The following SNX31 variants were observed in gnomAD, a reference collection of about 807,000 sequenced individuals.
SNX31 encodes sorting nexin-31.
Under a neutral mutation model 65.4 loss-of-function variants are expected in SNX31, and 58 were observed. That is an observed-to-expected ratio of 0.89 (90% CI 0.72 to 1.10). The LOEUF (loss-of-function observed/expected upper bound fraction) is 1.10, where lower values mean the gene tolerates loss of function less well. SNX31 is among the 50% of genes least tolerant of loss of function. The probability of loss-of-function intolerance (pLI) is 0.00; values close to 1 mark genes in which losing one functional copy is unlikely to be tolerated. For missense variants in SNX31, 523 were observed against 529.7 expected (o/e 0.99, Z 0.12); for synonymous variants, 181 against 190.1 (o/e 0.95, Z 0.39).
At chr8:100,615,911 A>C (rs1817145262) in intron 5 of SNX31, among the ~76,000 whole-genome samples, 1 of 151,700 alleles carries the variant, frequency 6.6e-6, no homozygotes, top group Non-Finnish European at 1.5e-5. Flanking sequence ...CTGGGACTAC[A>C]GGCACCCGCC....
intron 12 of SNX31, among the ~76,000 whole-genome samples, chr8:100,579,710 G>A (rs1355625594): frequency 6.6e-6 from 1 of 152,188 alleles, no homozygotes; most frequent in Admixed American, 6.5e-5. Context: ...ATCTGGTGAT[G>A]GTAGTTGAGG....
rs1245298601 is a variant in SNX31 at position 100,660,884 on chromosome 8, C to T, written c.-58+2258G>A. 6.6e-6 allele frequency among the ~76,000 whole-genome samples: 1 copy of T among 152,248 alleles called. No individual in the cohort carries two copies. Among genetic ancestry groups the T allele is most frequent in the Non-Finnish European group, 1.5e-5 (1 of 68,048 alleles). ...GGCAGACCAAGCCCTGGCAATCACA[C>T]ATTCGTGCTAATGCAGCATGGATCA... On this transcript the variant is annotated intron_variant, in intron 1 of 5. Coordinates refer to the SNX31 transcript ENST00000520352. This position sits in a 1 kb window ranked among gnomAD's most constrained non-coding sequence, Gnocchi z 4.1.
intron 3 of SNX31, among the ~76,000 whole-genome samples, chr8:100,631,275 C>T (rs1289107133): frequency 6.6e-6 from 1 of 152,056 alleles, no homozygotes; most frequent in African/African-American, 2.4e-5. Flanking sequence ...AGACACACCC[C>T]CATGAGAACT....
chr8:100,640,070 A>G (rs1337068711), intron 2 of SNX31, among the ~76,000 whole-genome samples: 1 of 152,190 alleles, frequency 6.6e-6, no homozygotes. Flanking sequence ...GTTTTAAATA[A>G]ATAGGAGCGA....
Position 100,612,116 on chromosome 8 carries a change from G to T in SNX31, c.524-29C>A. ...GAGAAAGGAGAAAGCCGGTCTTACT[G>T]GTTGAAACAGCACAGACAGCTTATA... is the stretch of plus-strand genomic sequence containing the variant. On this transcript the variant is annotated intron_variant, in intron 6 of 13. Transcript: ENST00000311812. The surrounding 1 kb of genome is among the most constrained non-coding windows in gnomAD (Gnocchi z 4.3). 1 of 1,466,732 alleles carries T rather than the reference G, an allele frequency of 6.8e-7. No homozygotes were observed. Among genetic ancestry groups the T allele is most frequent in the Non-Finnish European group, 9.6e-7 (1 of 1,045,948 alleles). The allele number at this position is 1,466,732 out of a possible 1,614,324, so 90.9% of individuals were successfully genotyped here. A position where few individuals can be genotyped will look rare whatever the true frequency, so the allele number is the denominator to read the frequency against.
At chr8:100,601,053 C>A (rs1287521579) in intron 8 of SNX31, among the ~76,000 whole-genome samples, 1 of 152,104 alleles carries the variant, frequency 6.6e-6, no homozygotes, top group Non-Finnish European at 1.5e-5. Flanking sequence ...ATATTTGAAT[C>A]ATAAACACAG....
Position 100,614,646 on chromosome 8 carries a change from G to A in SNX31, c.433-1561C>T, listed in dbSNP as rs1817014321. Among the ~76,000 whole-genome samples the A allele has an allele frequency of 6.6e-6, 1 of 152,142 alleles. No homozygotes were observed. Among genetic ancestry groups the A allele is most frequent in the South Asian group, 2.1e-4 (1 of 4,818 alleles). ...TCCCAGCACTTTGGAAGGCTGAGGCGGGTTGATCACCTAAGGTCAGGAGTT... is the reference window on the plus strand; with the variant it reads ...TCCCAGCACTTTGGAAGGCTGAGGCAGGTTGATCACCTAAGGTCAGGAGTT... On this transcript the variant is annotated intron_variant, in intron 5 of 13. Transcript: ENST00000311812. This position sits in a 1 kb window ranked among gnomAD's most constrained non-coding sequence, Gnocchi z 5.1.
intron 2 of SNX31, among the ~76,000 whole-genome samples, chr8:100,647,970 A>G (rs1819751063): frequency 1.3e-5 from 2 of 152,232 alleles, no homozygotes; most frequent in South Asian, 2.1e-4. Flanking sequence ...TCATTTGACA[A>G]TCGTTCCTAA....
chr8:100,641,612 A>T (rs1361871058), intron 2 of SNX31, among the ~76,000 whole-genome samples: 1 of 56,644 alleles, frequency 1.8e-5, no homozygotes, highest in African/African-American at 7.0e-5. Flanking sequence ...ACACACACAC[A>T]CGCACACACG....
At chr8:100,658,313 C>T (rs1242891175) in intron 1 of SNX31, among the ~76,000 whole-genome samples, 1 of 152,190 alleles carries the variant, frequency 6.6e-6, no homozygotes, top group Non-Finnish European at 1.5e-5. Flanking sequence ...GAATCTCATC[C>T]AAGCAGCTTG....
In SNX31 at chr8:100,614,597, C is replaced by T. The variant is rs547505088; in HGVS notation, c.433-1512G>A. Among the ~76,000 whole-genome samples, 40 of 152,150 alleles carry T rather than the reference C, an allele frequency of 2.6e-4. No individual in the cohort carries two copies. In the East Asian group the frequency reaches 5.8e-3, roughly 22 times the overall value. On this transcript the variant is annotated intron_variant, in intron 5 of 13. Transcript: ENST00000311812. The surrounding 1 kb of genome is among the most constrained non-coding windows in gnomAD (Gnocchi z 5.1). ...GGCCCTTAAAGAGGCCATTGAGGCC[C>T]GGCACGGTGGCTCATGCCTGTAATC...
intron 4 of SNX31, among the ~76,000 whole-genome samples, chr8:100,623,559 C>A (rs915309211): frequency 2.0e-5 from 3 of 152,170 alleles, no homozygotes; most frequent in Non-Finnish European, 4.4e-5. Flanking sequence ...GAGAAAACAG[C>A]AAGATGGGAA....
chr8:100,579,900 C>G (rs1407173090), intron 12 of SNX31, among the ~76,000 whole-genome samples: 3 of 152,128 alleles, frequency 2.0e-5, no homozygotes, highest in African/African-American at 7.2e-5. Context: ...TGGCTCACAC[C>G]TGTAATCTCA....
chr8:100,597,247 CTT>C (rs554273418), intron 9 of SNX31, among the ~76,000 whole-genome samples: 8 of 144,912 alleles, frequency 5.5e-5, no homozygotes, highest in African/African-American at 7.6e-5. Context: ...TGTACATTGG[CTT>C]TTTTTTTTTT....
chr8:100,645,923 C>T (rs1819602652), intron 2 of SNX31, among the ~76,000 whole-genome samples: 1 of 152,004 alleles, frequency 6.6e-6, no homozygotes. Context: ...AGACTCTTTA[C>T]CTATAAAATG....
At chr8:100,631,703 A>G (rs760636621) in intron 3 of SNX31, among the ~76,000 whole-genome samples, 5 of 152,212 alleles carry the variant, frequency 3.3e-5, no homozygotes, top group Non-Finnish European at 7.3e-5. Context: ...GTTTTCCAAA[A>G]TAAACGAAGA....
intron 12 of SNX31, among the ~76,000 whole-genome samples, chr8:100,577,593 C>A (rs369520457): frequency 6.6e-6 from 1 of 152,096 alleles, no homozygotes; most frequent in Admixed American, 6.5e-5. Context: ...AGGAAGGAAC[C>A]GTTTAACTAT....
intron 12 of SNX31, among the ~76,000 whole-genome samples, chr8:100,582,894 A>C (rs557038145): frequency 6.6e-6 from 1 of 151,344 alleles, no homozygotes; most frequent in East Asian, 2.0e-4. Flanking sequence ...GAGGCAAGAG[A>C]ATGGTGTGAA....
At chr8:100,597,711 T>C (rs1025062117) in intron 9 of SNX31, among the ~76,000 whole-genome samples, 2 of 152,152 alleles carry the variant, frequency 1.3e-5, no homozygotes, top group African/African-American at 4.8e-5. Flanking sequence ...TTCCAGAGAT[T>C]CCCCCAGTTG....
Sources: allele counts gnomAD v4.1 joint callset (sites outside exome capture counted in the v4.1 genomes callset), GRCh38; gene constraint gnomAD v4.1.1; non-coding constraint Gnocchi (gnomAD v3.1); transcripts MANE v1.5; gene names NCBI Gene and HGNC (gene_info 2026-07-23, HGNC 2026-07-21).